CFAP251: variants seen among roughly 807,000 people sequenced by gnomAD.
CFAP251 encodes cilia and flagella associated protein 251, also known as cilia- and flagella-associated protein 251.
A neutral mutation model predicts 126.7 loss-of-function variants in CFAP251; 93 were observed. The ratio of observed to expected loss-of-function variants is 0.73; its 90% CI spans 0.62 to 0.87. The LOEUF is 0.87. Ranked by LOEUF, CFAP251 falls within the 40% of genes least tolerant of loss-of-function variation. CFAP251 has a pLI of 0.00. For missense variants in CFAP251, 1,287 were observed against 1,389.2 expected, an observed-to-expected ratio of 0.93 and a Z score of 1.17; for synonymous variants, 503 against 506.9, an observed-to-expected ratio of 0.99 and a Z score of 0.10.
chr12:121,926,849 A>G (rs1880439460), intron 3 of CFAP251, among the ~76,000 whole-genome samples: 1 of 152,168 alleles, frequency 6.6e-6, no homozygotes, highest in Admixed American at 6.5e-5. Context: ...AGACTGAGCC[A>G]GGAGAATCGC....
chr12:122,001,119 C>T (rs897606362), intron 20 of CFAP251, among the ~76,000 whole-genome samples: 1 of 148,168 alleles, frequency 6.7e-6, no homozygotes, highest in Non-Finnish European at 1.5e-5. Context: ...TGCAGTGGCA[C>T]GATCTCAGTT....
intron 7 of CFAP251, among the ~76,000 whole-genome samples, chr12:121,944,786 G>GA (rs1881252148): frequency 2.0e-5 from 3 of 151,792 alleles, no homozygotes; most frequent in Admixed American, 1.3e-4. Context: ...TGATTAAAAT[G>GA]AAAAAAAATC....
intron 17 of CFAP251, among the ~76,000 whole-genome samples, chr12:121,973,003 A>T (rs1332978086): frequency 6.6e-6 from 1 of 152,238 alleles, no homozygotes; most frequent in Non-Finnish European, 1.5e-5. Context: ...AATCTGCAAG[A>T]CAATGGGGAA....
At chr12:121,933,698 A>G in intron 4 of CFAP251, 1 of 152,714 alleles carries the variant, frequency 6.5e-6, no homozygotes, top group Non-Finnish European at 1.5e-5. Context: ...ATGTGCCTGT[A>G]GTCCCAGCTA....
chr12:121,999,385 C>T (rs961527120), intron 19 of CFAP251: 6 of 159,238 alleles, frequency 3.8e-5, no homozygotes, highest in Non-Finnish European at 6.8e-5. Flanking sequence ...CTTTTTTTTT[C>T]CCCCCGCCGA....
intron 19 of CFAP251, among the ~76,000 whole-genome samples, chr12:121,984,599 G>A (rs1031091852): frequency 1.6e-4 from 25 of 152,128 alleles, no homozygotes; most frequent in Non-Finnish European, 3.2e-4. Flanking sequence ...GAGCCACGGC[G>A]CCCGGCCTAG....
chr12:121,952,608 G>A (rs1881573952), intron 9 of CFAP251: 1 of 152,134 alleles, frequency 6.6e-6, no homozygotes, highest in African/African-American at 2.4e-5. Flanking sequence ...AAGCTCTTGT[G>A]TCTGAGGTGG....
intron 15 of CFAP251, 105 bp downstream of exon 15, chr12:121,962,267 T>A (rs2135786214): frequency 9.7e-7 from 1 of 1,029,546 alleles, no homozygotes; most frequent in East Asian, 2.4e-5. Flanking sequence ...TGGCTACTAT[T>A]ATCATCCTCT....
chr12:121,960,808 C>T, intron 14 of CFAP251, 50 bp downstream of exon 14: 2 of 1,589,850 alleles, frequency 1.3e-6, no homozygotes, highest in Non-Finnish European at 1.7e-6. Context: ...GTGTCTCACT[C>T]TTGTGACATC....
intron 19 of CFAP251, chr12:121,997,941 G>C (rs1322284938): frequency 3.9e-5 from 6 of 152,060 alleles, no homozygotes; most frequent in Non-Finnish European, 2.9e-5. Context: ...AGTGGAGACA[G>C]ATTTTCACCG....
At chr12:121,921,061 C>G (rs1157989939) in intron 1 of CFAP251, among the ~76,000 whole-genome samples, 1 of 151,946 alleles carries the variant, frequency 6.6e-6, no homozygotes. Flanking sequence ...GTTGGCCAGG[C>G]TGGTCTCAAA....
At chr12:121,936,471 G>A (rs1467223368) in intron 5 of CFAP251, among the ~76,000 whole-genome samples, 2 of 152,160 alleles carry the variant, frequency 1.3e-5, no homozygotes, top group Admixed American at 6.5e-5. Context: ...TTATTGGTCT[G>A]CAAAGGAATA....
chr12:121,960,142 C>T lies in CFAP251; in HGVS notation c.2134-443C>T, dbSNP rs181853968. On this transcript the variant is annotated intron_variant, in intron 13 of 21. Coordinates refer to ENST00000288912, the MANE Select transcript of CFAP251 (RefSeq NM_144668.6). ...ATCAAGACTCTTGTCTCAAAAAAAACCCAAAAAAACTAAACTAAAACTAAA... is the reference window on the plus strand; with the variant it reads ...ATCAAGACTCTTGTCTCAAAAAAAATCCAAAAAAACTAAACTAAAACTAAA... 2.1e-3 allele frequency among the ~76,000 whole-genome samples: 318 copies of T among 152,130 alleles called. 4 individuals are homozygous for T. The highest frequency in any genetic ancestry group is 0.018 in the Admixed American group (275 of 15,286).
At position 121,958,384 on chromosome 12, in the gene CFAP251, C is replaced by G; in HGVS notation, c.1843C>G (p.His615Asp). 1 of 1,614,226 alleles carries G rather than the reference C, an allele frequency of 6.2e-7. No individual in the cohort carries two copies. Among genetic ancestry groups the G allele is most frequent in the Non-Finnish European group, 8.5e-7 (1 of 1,180,044 alleles). The change falls in exon 12 of 22, where the codon CAC becomes GAC. Residue 615 changes from histidine (H) to aspartate (D), a missense_variant. Physicochemically the swap from His to Asp is moderately conservative, Grantham distance 81. Transcript: ENST00000288912. The part of the protein sequence containing the change: ...PKDAICAISC[H>D]PYQPLIAIGS... The stretch of plus-strand genomic sequence containing the variant: ...GGATGCCATTTGTGCCATCTCCTGC[C>G]ACCCATATCAACCCCTCATTGCCAT...
Position 121,945,342 on chromosome 12 carries a change from C to G in CFAP251, c.1191+2367C>G, listed in dbSNP as rs531991501. Among the ~76,000 whole-genome samples, 870 of 151,888 alleles carry G rather than the reference C, an allele frequency of 5.7e-3. 3 individuals are homozygous for G. The highest frequency in any genetic ancestry group is 9.3e-3 in the Non-Finnish European group (633 of 67,908). ...TTGTTGTTTTGTTTTCTTTTCTTTT[C>G]TTTTCTTTTCTTTTTTTTTGAGATG... On this transcript the variant is annotated intron_variant, in intron 7 of 21. Coordinates refer to ENST00000288912, the MANE Select transcript of CFAP251 (RefSeq NM_144668.6).
At chr12:121,988,379 G>A (rs1405032091) in intron 19 of CFAP251, among the ~76,000 whole-genome samples, 1 of 152,104 alleles carries the variant, frequency 6.6e-6, no homozygotes, top group African/African-American at 2.4e-5. Context: ...CCAGACCCAT[G>A]AGCACTCACT....
intron 19 of CFAP251, among the ~76,000 whole-genome samples, chr12:121,978,390 T>A (rs1261162893): frequency 7.3e-5 from 1 of 13,686 alleles, no homozygotes; most frequent in Non-Finnish European, 1.3e-4. Context: ...CAAGACTCTG[T>A]CTCAAAAAAA....
intron 19 of CFAP251, among the ~76,000 whole-genome samples, chr12:121,977,126 G>A (rs1032568037): frequency 1.3e-5 from 2 of 152,120 alleles, no homozygotes; most frequent in Non-Finnish European, 1.5e-5. Context: ...CCTACTACAC[G>A]CCTGGGCCGT....
intron 19 of CFAP251, among the ~76,000 whole-genome samples, chr12:121,981,564 C>G (rs1371584461): frequency 6.6e-6 from 1 of 152,216 alleles, no homozygotes; most frequent in African/African-American, 2.4e-5. Flanking sequence ...TTCCAGGCAC[C>G]CTTGCCTCAC....
Sources: allele counts gnomAD v4.1 joint callset (sites outside exome capture counted in the v4.1 genomes callset), GRCh38; gene constraint gnomAD v4.1.1; transcripts MANE v1.5; gene names NCBI Gene and HGNC (gene_info 2026-07-23, HGNC 2026-07-21).